Variants in SLC6A20 observed in about 807,000 individuals in gnomAD.
SLC6A20 encodes sodium- and chloride-dependent transporter XTRP3.
Under a neutral mutation model 64.3 loss-of-function variants are expected in SLC6A20, and 73 were observed. That is an observed-to-expected ratio of 1.14 (90% CI 0.94 to 1.38). The LOEUF (loss-of-function observed/expected upper bound fraction) is 1.38, where lower values mean the gene tolerates loss of function less well. SLC6A20 is among the 40% of genes most tolerant of loss of function. The pLI, the probability that SLC6A20 is intolerant of heterozygous loss-of-function variation, is 0.00. For missense variants in SLC6A20, 725 were observed against 772.8 expected, an observed-to-expected ratio of 0.94 and a Z score of 0.73; for synonymous variants, 347 against 329.6, an observed-to-expected ratio of 1.05 and a Z score of -0.57.
intron 7 of SLC6A20, among the ~76,000 whole-genome samples, chr3:45,768,893 C>T (rs941032130): frequency 1.3e-5 from 2 of 152,170 alleles, no homozygotes; most frequent in African/African-American, 4.8e-5. Flanking sequence ...CTTCTACTCC[C>T]ATGTGCTAGA....
At chr3:45,779,049 C>G (rs1408565219) in intron 3 of SLC6A20, among the ~76,000 whole-genome samples, 1 of 152,212 alleles carries the variant, frequency 6.6e-6, no homozygotes, top group Admixed American at 6.5e-5. Flanking sequence ...CCCAAGCACC[C>G]CAGAGGCAAA....
At chr3:45,779,981 C>T in intron 3 of SLC6A20, 28 bp downstream of exon 3, 1 of 1,575,450 alleles carries the variant, frequency 6.3e-7, no homozygotes, top group Non-Finnish European at 8.6e-7. Flanking sequence ...GCTCCTACTC[C>T]TGTTCTGGCA....
chr3:45,790,083 A>C (rs2125657542), intron 1 of SLC6A20, among the ~76,000 whole-genome samples: 1 of 152,256 alleles, frequency 6.6e-6, no homozygotes, highest in African/African-American at 2.4e-5. Context: ...GCAAGCCCTC[A>C]CATCATAATC....
At chr3:45,775,333 C>T (rs989155364) in intron 4 of SLC6A20, among the ~76,000 whole-genome samples, 14 of 151,964 alleles carry the variant, frequency 9.2e-5, no homozygotes, top group Non-Finnish European at 1.0e-4. Flanking sequence ...TTTTGGGGGG[C>T]GGGGCTAAGG....
chr3:45,779,820 G>C (rs1700038859), intron 3 of SLC6A20, among the ~76,000 whole-genome samples, 189 bp downstream of exon 3: 1 of 152,210 alleles, frequency 6.6e-6, no homozygotes, highest in South Asian at 2.1e-4. Flanking sequence ...AGGGGCCCGT[G>C]GAGCCCGGGT....
rs1212822976 is a variant in SLC6A20 at position 45,756,596 on chromosome 3, A to G, written c.*2382T>C. The G allele has an allele frequency of 2.6e-5, 4 of 152,170 alleles. No homozygotes were observed. Among genetic ancestry groups the G allele is most frequent in the Non-Finnish European group, 4.4e-5 (3 of 68,026 alleles). 9.4% of individuals were successfully genotyped at this position (152,170 alleles called of 1,614,324 possible). A position where few individuals can be genotyped will look rare whatever the true frequency, so the allele number is the denominator to read the frequency against. Reference sequence around the variant, plus strand: ...TGCTGTAAGAGAATTTTACAGCACAAAAATAAAAAGACATCTCCGGCCAAC... The same window carrying G: ...TGCTGTAAGAGAATTTTACAGCACAGAAATAAAAAGACATCTCCGGCCAAC... On this transcript the variant is annotated 3_prime_UTR_variant, in exon 11 of 11. Coordinates refer to ENST00000358525, the MANE Select transcript of SLC6A20 (RefSeq NM_020208.4).
intron 1 of SLC6A20, among the ~76,000 whole-genome samples, chr3:45,795,652 G>A (rs1269994592): frequency 1.3e-5 from 2 of 152,192 alleles, no homozygotes; most frequent in Non-Finnish European, 2.9e-5. Context: ...CCAGCTTTCC[G>A]CAACGCTAGG....
rs1018468735 is a variant in SLC6A20, at chr3:45,772,584, C to G, written c.614G>C (p.Cys205Ser). The G allele has an allele frequency of 2.9e-5, 46 of 1,613,836 alleles. No individual in the cohort carries two copies. Among genetic ancestry groups the G allele is most frequent in the Non-Finnish European group, 3.7e-5 (44 of 1,179,982 alleles). Reference protein sequence around the residue: ...VVYFTASLPYCVLIIYLIRGL... With the variant: ...VVYFTASLPYSVLIIYLIRGL... ...CCTGATGAGGTAGATGATGAGCACGCAATAGGGCAGTGACGCCGTGAAATA... is the reference window on the plus strand; with the variant it reads ...CCTGATGAGGTAGATGATGAGCACGGAATAGGGCAGTGACGCCGTGAAATA... The change falls in exon 5 of 11, where the codon TGC becomes TCC. Residue 205 changes from cysteine (C) to serine (S), a missense_variant. Physicochemically the swap from Cys to Ser is moderately radical, Grantham distance 112. Transcript: ENST00000358525.
At chr3:45,785,469 G>A (rs752054633) in intron 1 of SLC6A20, among the ~76,000 whole-genome samples, 13 of 152,268 alleles carry the variant, frequency 8.5e-5, no homozygotes, top group African/African-American at 3.1e-4. Flanking sequence ...TCTTTCTCCC[G>A]TGCTGGATGC....
intron 5 of SLC6A20, chr3:45,771,749 G>A: frequency 2.0e-6 from 1 of 511,554 alleles, no homozygotes. Flanking sequence ...GCCATAGGAG[G>A]TGTGTAACCA....
rs899013685 is a variant in SLC6A20 at position 45,771,567 on chromosome 3, G to A, written c.694-109C>T. ...AGGGGAAGGAGCTCACCTACAGCAC[G>A]CAGCCATCAGGGGCACCCCTAGGGC... is the stretch of plus-strand genomic sequence containing the variant. On this transcript the variant is annotated intron_variant, in intron 5 of 10. Coordinates refer to ENST00000358525, the MANE Select transcript of SLC6A20 (RefSeq NM_020208.4). 3.0e-5 allele frequency: 46 copies of A among 1,531,194 alleles called. No individual in the cohort carries two copies. The Middle Eastern group carries it at 7.0e-4, about 23-fold the overall frequency. The allele number at this position is 1,531,194 out of a possible 1,614,324, so 94.9% of individuals were successfully genotyped here. A position where few individuals can be genotyped will look rare whatever the true frequency, so the allele number is the denominator to read the frequency against.
intron 1 of SLC6A20, among the ~76,000 whole-genome samples, chr3:45,792,137 C>G (rs1700264150): frequency 6.6e-6 from 1 of 152,176 alleles, no homozygotes; most frequent in Non-Finnish European, 1.5e-5. Context: ...CCTGGCCAGG[C>G]CCTCCTCCAA....
intron 2 of SLC6A20, 97 bp downstream of exon 2, chr3:45,781,986 C>T (rs775812587): frequency 9.1e-6 from 13 of 1,421,960 alleles, no homozygotes; most frequent in East Asian, 7.7e-5. Flanking sequence ...GCCTTGTGCT[C>T]GCCCCTTGAT....
At chr3:45,789,409 G>A (rs1251857730) in intron 1 of SLC6A20, among the ~76,000 whole-genome samples, 12 of 151,994 alleles carry the variant, frequency 7.9e-5, no homozygotes, top group African/African-American at 4.8e-5. Context: ...AAATATAAAC[G>A]GATCAAATTC....
intron 1 of SLC6A20, among the ~76,000 whole-genome samples, chr3:45,794,781 G>T (rs77434101): frequency 4.8e-4 from 73 of 152,278 alleles, no homozygotes; most frequent in African/African-American, 1.7e-3. Context: ...AGCACAGAAT[G>T]ATGTGGAAAT....
chr3:45,770,154 G>T, intron 7 of SLC6A20, 55 bp downstream of exon 7: 2 of 1,603,584 alleles, frequency 1.2e-6, no homozygotes, highest in Non-Finnish European at 1.7e-6. Context: ...GCTCACCAAG[G>T]TTCCCATGAG....
At chr3:45,785,403 A>G (rs1022210463) in intron 1 of SLC6A20, among the ~76,000 whole-genome samples, 1 of 152,186 alleles carries the variant, frequency 6.6e-6, no homozygotes, top group African/African-American at 2.4e-5. Context: ...GACAGTGAAT[A>G]TAAAGCAGGC....
In SLC6A20 at chr3:45,775,825, C is replaced by A. The variant is rs1158078084; in HGVS notation, c.518G>T (p.Cys173Phe). ...NGGVQWEPAL[C>F]LLLAWLVVYL... ...CACCACCAGCCAGGCCAGGAGGAGG[C>A]ACAGCGCCGGCTCCCACTGCACACC... The change falls in exon 4 of 11, where the codon TGC becomes TTC. Residue 173 changes from cysteine to phenylalanine, a missense_variant. Cys to Phe is a radical substitution (Grantham distance 205). Transcript: ENST00000358525. 6.2e-7 allele frequency: 1 copy of A among 1,614,110 alleles called. No homozygotes were observed. The highest frequency in any genetic ancestry group is 2.2e-5 in the East Asian group (1 of 44,858).
At chr3:45,787,569 A>G (rs1166643338) in intron 1 of SLC6A20, among the ~76,000 whole-genome samples, 1 of 152,156 alleles carries the variant, frequency 6.6e-6, no homozygotes, top group African/African-American at 2.4e-5. Context: ...TATTTGTTGA[A>G]TGCAGGAAAG....
Sources: gnomAD v4.1 joint callset for allele counts (sites outside exome capture counted in the v4.1 genomes callset) on GRCh38, gnomAD v4.1.1 for gene constraint, MANE v1.5 for transcripts, NCBI Gene and HGNC (gene_info 2026-07-23, HGNC 2026-07-21) for gene names.